ARHGAP15: variants seen among roughly 807,000 people sequenced by gnomAD.
The protein encoded by ARHGAP15 is rho GTPase-activating protein 15.
ARHGAP15 carries 51 observed loss-of-function variants against 63.7 expected under a neutral mutation model. That is an observed-to-expected ratio of 0.80 (90% CI 0.64 to 1.01). The LOEUF is 1.01. Among genes scored for constraint, ARHGAP15 ranks in the 50% least tolerant of loss-of-function variants. ARHGAP15 has a pLI of 0.00. For missense variants in ARHGAP15, 560 were observed against 564.6 expected, an observed-to-expected ratio of 0.99 and a Z score of 0.08; for synonymous variants, 191 against 193.8, an observed-to-expected ratio of 0.99 and a Z score of 0.12.
At chr2:143,708,595 G>T (rs1194103094) in intron 13 of ARHGAP15, among the ~76,000 whole-genome samples, 1 of 151,736 alleles carries the variant, frequency 6.6e-6, no homozygotes, top group African/African-American at 2.4e-5. Flanking sequence ...TGTCAGCCTG[G>T]CTGGCATATT....
At chr2:143,476,790 C>T (rs1691837349) in intron 8 of ARHGAP15, among the ~76,000 whole-genome samples, 1 of 152,154 alleles carries the variant, frequency 6.6e-6, no homozygotes, top group Non-Finnish European at 1.5e-5. Flanking sequence ...ATTTGGATTG[C>T]TAAGTACCTT....
intron 12 of ARHGAP15, among the ~76,000 whole-genome samples, chr2:143,665,298 C>G (rs1682099966): frequency 1.0e-5 from 1 of 100,296 alleles, no homozygotes; most frequent in Admixed American, 1.1e-4. Flanking sequence ...AGCATATAAA[C>G]AGAGCCAAAG....
At chr2:143,178,833 T>C (rs996948215) in intron 2 of ARHGAP15, among the ~76,000 whole-genome samples, 1 of 152,242 alleles carries the variant, frequency 6.6e-6, no homozygotes, top group Non-Finnish European at 1.5e-5. Flanking sequence ...TTGAGTTTGA[T>C]TGTTTTAGAT....
chr2:143,747,662 C>T (rs1251654748), intron 13 of ARHGAP15, among the ~76,000 whole-genome samples: 1 of 152,144 alleles, frequency 6.6e-6, no homozygotes, highest in Non-Finnish European at 1.5e-5. Flanking sequence ...GCCTCTTTCA[C>T]CTGGCGATAT....
intron 13 of ARHGAP15, among the ~76,000 whole-genome samples, chr2:143,738,234 T>C (rs1685829802): frequency 6.6e-6 from 1 of 150,752 alleles, no homozygotes; most frequent in South Asian, 2.1e-4. Context: ...TAGAAACAGC[T>C]CAATCTGTGC....
At chr2:143,167,265 T>G (rs994550886) in intron 2 of ARHGAP15, among the ~76,000 whole-genome samples, 2 of 152,106 alleles carry the variant, frequency 1.3e-5, no homozygotes, top group Admixed American at 6.6e-5. Context: ...TTATCATTAG[T>G]GTTATTCTTA....
chr2:143,212,748 A>G (rs1692608638), intron 3 of ARHGAP15, among the ~76,000 whole-genome samples: 1 of 152,206 alleles, frequency 6.6e-6, no homozygotes, highest in African/African-American at 2.4e-5. Flanking sequence ...ACCCACATGC[A>G]AAATGCATAG....
intron 6 of ARHGAP15, among the ~76,000 whole-genome samples, chr2:143,257,257 A>G (rs965006598): frequency 5.9e-5 from 9 of 152,154 alleles, no homozygotes; most frequent in African/African-American, 2.2e-4. Flanking sequence ...TTGAACTATC[A>G]AAGCAGCATG....
rs1682970012 is a variant in ARHGAP15 at position 143,679,127 on chromosome 2, G to A, written c.1139-24292G>A. Among the ~76,000 whole-genome samples the A allele has an allele frequency of 2.2e-5, 2 of 93,002 alleles. 1 individual carries two copies. The highest frequency in any genetic ancestry group is 1.1e-3 in the South Asian group (2 of 1,772). The allele number at this position is 93,002 out of a possible 152,430, so 61.0% of individuals were successfully genotyped here. On this transcript the variant is annotated intron_variant, in intron 12 of 13. Transcript: ENST00000295095. ...AGAATAGGTCAACCTATATGCACCAGTATCCACAAAGGCTAAAAAAAAAAA... is the reference window on the plus strand; with the variant it reads ...AGAATAGGTCAACCTATATGCACCAATATCCACAAAGGCTAAAAAAAAAAA...
At chr2:143,315,273 C>T (rs2105202335) in intron 6 of ARHGAP15, among the ~76,000 whole-genome samples, 2 of 152,184 alleles carry the variant, frequency 1.3e-5, no homozygotes, top group Middle Eastern at 6.8e-3. Flanking sequence ...ATACATATAA[C>T]ATTACGGTAC....
At chr2:143,453,446 G>A (rs916792185) in intron 8 of ARHGAP15, among the ~76,000 whole-genome samples, 13 of 151,920 alleles carry the variant, frequency 8.6e-5, no homozygotes, top group African/African-American at 2.4e-4. Flanking sequence ...GTAATGTAAC[G>A]TTTATAGCAT....
intron 6 of ARHGAP15, among the ~76,000 whole-genome samples, chr2:143,294,952 G>A (rs558953301): frequency 6.6e-6 from 1 of 152,150 alleles, no homozygotes; most frequent in African/African-American, 2.4e-5. Context: ...TTGAGCATTC[G>A]ATATGTCTTG....
chr2:143,648,591 C>T lies in ARHGAP15; in HGVS notation c.1138+24324C>T, dbSNP rs371230139. 7 of 151,980 alleles carry T rather than the reference C, an allele frequency of 4.6e-5. No individual in the cohort carries two copies. The East Asian group carries it at 7.7e-4, about 17-fold the overall frequency. The allele number at this position is 151,980 out of a possible 1,614,324, so 9.4% of individuals were successfully genotyped here. A position where few individuals can be genotyped will look rare whatever the true frequency, so the allele number is the denominator to read the frequency against. On this transcript the variant is annotated intron_variant, in intron 12 of 13. Transcript: ENST00000295095. The stretch of plus-strand genomic sequence containing the variant: ...TTTTGGGTTTTTCCTTCCCTCCCCA[C>T]ACCTCCTCCTCACGCTTTGTTATAA...
At chr2:143,223,139 T>C (rs754300175) in intron 4 of ARHGAP15, among the ~76,000 whole-genome samples, 1 of 151,782 alleles carries the variant, frequency 6.6e-6, no homozygotes, top group African/African-American at 2.4e-5. Flanking sequence ...ACCATGCCCA[T>C]CTAATTTTCT....
intron 11 of ARHGAP15, among the ~76,000 whole-genome samples, chr2:143,590,963 T>C (rs1697298076): frequency 6.6e-6 from 1 of 151,730 alleles, no homozygotes; most frequent in Non-Finnish European, 1.5e-5. Context: ...CTCTCTTGAT[T>C]CAGTACCTAT....
chr2:143,500,334 A>G (rs1693000430), intron 9 of ARHGAP15, among the ~76,000 whole-genome samples: 1 of 151,770 alleles, frequency 6.6e-6, no homozygotes, highest in Non-Finnish European at 1.5e-5. Context: ...ACATTAAGGC[A>G]GGATTTGTTG....
intron 6 of ARHGAP15, among the ~76,000 whole-genome samples, chr2:143,287,924 G>A (rs754896976): frequency 3.3e-5 from 5 of 152,202 alleles, no homozygotes; most frequent in Non-Finnish European, 1.5e-5. Context: ...GAAGGATGCT[G>A]AATGTTCCAT....
intron 6 of ARHGAP15, among the ~76,000 whole-genome samples, chr2:143,270,874 A>G (rs1231018789): frequency 3.9e-5 from 6 of 152,338 alleles, no homozygotes; most frequent in Middle Eastern, 3.4e-3. Flanking sequence ...AAAATGTTAG[A>G]AAAACATATT....
intron 12 of ARHGAP15, among the ~76,000 whole-genome samples, chr2:143,665,800 A>G (rs1419911349): frequency 7.2e-5 from 11 of 151,892 alleles, no homozygotes; most frequent in East Asian, 3.9e-4. Flanking sequence ...CCAAATCATG[A>G]GTGAACTCCC....
Sources: allele counts gnomAD v4.1 joint callset (sites outside exome capture counted in the v4.1 genomes callset), GRCh38; gene constraint gnomAD v4.1.1; transcripts MANE v1.5; gene names NCBI Gene and HGNC (gene_info 2026-07-23, HGNC 2026-07-21).